The following BMPR1A variants were observed in gnomAD, a reference collection of about 807,000 sequenced individuals.
The protein encoded by BMPR1A is bone morphogenetic protein receptor type-1A.
In BMPR1A, 7 loss-of-function variants were observed where a neutral mutation model predicts 66.0. That is an observed-to-expected ratio of 0.11 (90% confidence interval 0.06 to 0.20). BMPR1A has a LOEUF of 0.20. BMPR1A is among the 10% of genes least tolerant of loss of function. The pLI, the probability that BMPR1A is intolerant of heterozygous loss-of-function variation, is 1.00. For missense variants in BMPR1A, 408 were observed against 669.1 expected (o/e 0.61, Z 4.31); for synonymous variants, 200 against 229.7 (o/e 0.87, Z 1.17).
chr10:86,866,407 T>TTTTTC (rs1554885983), intron 2 of BMPR1A, among the ~76,000 whole-genome samples: 2 of 109,030 alleles, frequency 1.8e-5, no homozygotes, highest in African/African-American at 9.0e-5. Context: ...TTCTTTTTTT[T>TTTTTC]TTTTTTTTTT....
chr10:86,899,085 A>C (rs1041803778), intron 5 of BMPR1A, among the ~76,000 whole-genome samples: 3 of 152,198 alleles, frequency 2.0e-5, no homozygotes, highest in African/African-American at 7.2e-5. Flanking sequence ...GTGTAGTGAC[A>C]AACAGTTCTT....
intron 5 of BMPR1A, among the ~76,000 whole-genome samples, chr10:86,894,353 A>G (rs1843196544): frequency 6.6e-6 from 1 of 152,248 alleles, no homozygotes; most frequent in African/African-American, 2.4e-5. Flanking sequence ...TACAGTTGTT[A>G]CATACTTGTC....
intron 7 of BMPR1A, 102 bp downstream of exon 7, chr10:86,900,228 GT>G (rs1270146160): frequency 9.0e-7 from 1 of 1,107,186 alleles, no homozygotes; most frequent in Non-Finnish European, 1.3e-6. Context: ...GTATTCTCTG[GT>G]TGTATATCTC....
chr10:86,830,282 C>T (rs1478841610), intron 1 of BMPR1A, among the ~76,000 whole-genome samples: 1 of 152,176 alleles, frequency 6.6e-6, no homozygotes, highest in Non-Finnish European at 1.5e-5. Flanking sequence ...GCTAATCTGG[C>T]TTAGCAGGGT....
chr10:86,874,572 A>AT lies in BMPR1A; in HGVS notation c.-152-1287dup, dbSNP rs895028021. Among the ~76,000 whole-genome samples, 6 of 150,078 alleles carry AT rather than the reference A, an allele frequency of 4.0e-5. 1 individual carries two copies. Among genetic ancestry groups the AT allele is most frequent in the South Asian group, 4.2e-4 (2 of 4,720 alleles). ...AGGCGCCTGCCACCACACCTGGCTA[A>AT]TTTTTTTTGTATTTTTAGTAGAGAC... On this transcript the variant is annotated intron_variant, in intron 2 of 12. Coordinates refer to ENST00000372037, the MANE Select transcript of BMPR1A (RefSeq NM_004329.3).
intron 7 of BMPR1A, among the ~76,000 whole-genome samples, chr10:86,910,944 C>T (rs1843471699): frequency 3.3e-5 from 5 of 151,918 alleles, no homozygotes; most frequent in Admixed American, 3.3e-4. Context: ...CTTCCTATCC[C>T]AGGAGTTTGA....
At chr10:86,793,799 A>T (rs1382352102) in intron 1 of BMPR1A, among the ~76,000 whole-genome samples, 1 of 152,200 alleles carries the variant, frequency 6.6e-6, no homozygotes, top group Non-Finnish European at 1.5e-5. Context: ...CAGAAGTCCA[A>T]CACAGGTCTC....
intron 2 of BMPR1A, among the ~76,000 whole-genome samples, chr10:86,864,311 T>C (rs1243423894): frequency 6.6e-6 from 1 of 152,152 alleles, no homozygotes; most frequent in Non-Finnish European, 1.5e-5. Context: ...AAAAAGTTAT[T>C]CCACTAATTC....
At chr10:86,783,202 G>A (rs1438920091) in intron 1 of BMPR1A, among the ~76,000 whole-genome samples, 1 of 152,110 alleles carries the variant, frequency 6.6e-6, no homozygotes, top group Non-Finnish European at 1.5e-5. Flanking sequence ...TGTCTGTTCT[G>A]TTCCATTGGT....
At chr10:86,827,933 C>T (rs2133050762) in intron 1 of BMPR1A, among the ~76,000 whole-genome samples, 1 of 152,276 alleles carries the variant, frequency 6.6e-6, no homozygotes, top group South Asian at 2.1e-4. Flanking sequence ...GAGGGCGGAT[C>T]ACAAGATCAG....
chr10:86,885,944 C>T (rs960236118), intron 3 of BMPR1A, among the ~76,000 whole-genome samples: 1 of 152,078 alleles, frequency 6.6e-6, no homozygotes, highest in African/African-American at 2.4e-5. Flanking sequence ...TGACAAGGAC[C>T]TGTAAATGTG....
intron 2 of BMPR1A, among the ~76,000 whole-genome samples, chr10:86,865,282 T>C (rs1454684696): frequency 2.0e-5 from 3 of 152,176 alleles, no homozygotes; most frequent in East Asian, 1.9e-4. Flanking sequence ...ACTGATGATA[T>C]TCCACCACAA....
intron 1 of BMPR1A, among the ~76,000 whole-genome samples, chr10:86,823,808 C>T (rs1191054844): frequency 6.6e-6 from 1 of 152,180 alleles, no homozygotes; most frequent in Non-Finnish European, 1.5e-5. Context: ...TGAACTTGCA[C>T]TACTCCCTCC....
chr10:86,898,497 T>C (rs1843261547), intron 5 of BMPR1A, among the ~76,000 whole-genome samples: 1 of 152,198 alleles, frequency 6.6e-6, no homozygotes, highest in East Asian at 1.9e-4. Flanking sequence ...ACATTTGGGA[T>C]GTCGTTTCCC....
intron 1 of BMPR1A, among the ~76,000 whole-genome samples, chr10:86,837,230 G>GCTGTGTGTGTGT (rs1554883359): frequency 3.5e-5 from 3 of 86,910 alleles, no homozygotes; most frequent in African/African-American, 1.1e-4. Flanking sequence ...TTAGAATCAG[G>GCTGTGTGTGTGT]CTGTGTGTGT....
Position 86,925,559 on chromosome 10 carries a change from C to A in BMPR1A, c.*1840C>A, listed in dbSNP as rs1048006178. The A allele has an allele frequency of 1.5e-5, 3 of 199,852 alleles. No individual in the cohort carries two copies. The highest frequency in any genetic ancestry group is 6.0e-5 in the Admixed American group (1 of 16,614). 12.4% of individuals were successfully genotyped at this position (199,852 alleles called of 1,614,324 possible). A position where few individuals can be genotyped will look rare whatever the true frequency, so the allele number is the denominator to read the frequency against. ...AGTAAATTTGCATATGGATAATACCCAATAACTTGTTTTTTCAGAATTTTT... is the reference window on the plus strand; with the variant it reads ...AGTAAATTTGCATATGGATAATACCAAATAACTTGTTTTTTCAGAATTTTT... On this transcript the variant is annotated 3_prime_UTR_variant, in exon 13 of 13. Coordinates refer to ENST00000372037, the MANE Select transcript of BMPR1A (RefSeq NM_004329.3).
intron 3 of BMPR1A, among the ~76,000 whole-genome samples, chr10:86,885,245 A>G (rs1172839104): frequency 6.6e-6 from 1 of 152,244 alleles, no homozygotes; most frequent in Non-Finnish European, 1.5e-5. Context: ...AAATCAAGGG[A>G]ATATTTAATG....
intron 7 of BMPR1A, 104 bp from the exon 8 acceptor site, chr10:86,912,136 A>T: frequency 7.9e-7 from 1 of 1,264,746 alleles, no homozygotes; most frequent in Non-Finnish European, 1.1e-6. Flanking sequence ...TTTGGATAGG[A>T]TTCTTTCTGA....
At chr10:86,849,827 T>C (rs951999723) in intron 2 of BMPR1A, among the ~76,000 whole-genome samples, 1 of 152,198 alleles carries the variant, frequency 6.6e-6, no homozygotes, top group Admixed American at 6.5e-5. Context: ...ACTCAGTAAA[T>C]ATTAGTTTAA....
Sources: allele counts gnomAD v4.1 joint callset (sites outside exome capture counted in the v4.1 genomes callset), GRCh38; gene constraint gnomAD v4.1.1; transcripts MANE v1.5; gene names NCBI Gene and HGNC (gene_info 2026-07-23, HGNC 2026-07-21).